Variants in CPM observed in about 807,000 individuals in gnomAD.
The protein encoded by CPM is carboxypeptidase M, also known as renal carboxypeptidase.
A neutral mutation model predicts 46.4 loss-of-function variants in CPM; 35 were observed. The ratio of observed to expected loss-of-function variants is 0.75; its 90% CI spans 0.58 to 1.00. The LOEUF (loss-of-function observed/expected upper bound fraction) is 1.00. Among genes scored for constraint, CPM ranks in the 50% least tolerant of loss-of-function variants. The pLI, the probability that CPM is intolerant of heterozygous loss-of-function variation, is 0.00. For missense variants in CPM, 422 were observed against 530.4 expected, an observed-to-expected ratio of 0.80 and a Z score of 2.01; for synonymous variants, 195 against 195.3, an observed-to-expected ratio of 1.00 and a Z score of 0.01.
intron 1 of CPM, among the ~76,000 whole-genome samples, chr12:68,953,241 TTTTC>T (rs1888963585): frequency 6.6e-6 from 1 of 151,950 alleles, no homozygotes; most frequent in Admixed American, 6.6e-5. Context: ...CAGGTATGTT[TTTTC>T]TCTCTCTTTT....
At chr12:68,866,095 C>T (rs1057072175) in intron 7 of CPM, among the ~76,000 whole-genome samples, 7 of 152,048 alleles carry the variant, frequency 4.6e-5, no homozygotes, top group East Asian at 3.8e-4. Context: ...TGGCAGAGTT[C>T]GGAGGTGAGA....
At chr12:68,960,510 T>C (rs1206273649) in intron 1 of CPM, among the ~76,000 whole-genome samples, 1 of 152,190 alleles carries the variant, frequency 6.6e-6, no homozygotes, top group Non-Finnish European at 1.5e-5. Flanking sequence ...GTGTATAAAA[T>C]AGCTACGCTG....
upstream of CPM, among the ~76,000 whole-genome samples, chr12:68,933,434 A>G (rs1395067130): frequency 6.6e-6 from 1 of 152,076 alleles, no homozygotes; most frequent in East Asian, 1.9e-4. Context: ...TCTTTGCTGG[A>G]GCCCCAGGTC....
intron 1 of CPM, among the ~76,000 whole-genome samples, chr12:68,954,860 A>T (rs1207748893): frequency 1.3e-5 from 2 of 152,220 alleles, no homozygotes; most frequent in Non-Finnish European, 2.9e-5. Context: ...ACAGTTGAAA[A>T]GTACAGATGA....
rs769151922 is a variant in CPM, at chr12:68,885,787, C to T, written c.258+5G>A. 6.8e-6 allele frequency: 11 copies of T among 1,611,300 alleles called. No individual in the cohort carries two copies. Among genetic ancestry groups the T allele is most frequent in the Non-Finnish European group, 7.6e-6 (9 of 1,177,604 alleles). On this transcript the variant is annotated splice_donor_5th_base_variant and intron_variant, in intron 3 of 8. Transcript: ENST00000551568. ...ACATTTCAGAAATTCAAGCCACATA[C>T]GTACCTCATCTCCATGCATATTTGC... is the stretch of plus-strand genomic sequence containing the variant.
At chr12:68,901,670 A>T (rs1030024189) in intron 2 of CPM, among the ~76,000 whole-genome samples, 2 of 152,244 alleles carry the variant, frequency 1.3e-5, no homozygotes, top group African/African-American at 4.8e-5. Context: ...TTAACATAAG[A>T]ATAAGCAGTC....
chr12:68,924,149 T>TA (rs77792212), intron 2 of CPM, among the ~76,000 whole-genome samples: 18,620 of 107,454 alleles, frequency 0.17, 1,513 homozygotes, highest in African/African-American at 0.25. Context: ...TGTCTCTACT[T>TA]AAAAAAAAAA....
chr12:68,887,103 C>T (rs1259247187), intron 2 of CPM, among the ~76,000 whole-genome samples: 1 of 152,184 alleles, frequency 6.6e-6, no homozygotes, highest in Admixed American at 6.5e-5. Context: ...GTGCTCCTCC[C>T]ACTAACAAAA....
chr12:68,873,007 T>G (rs1340318312), intron 3 of CPM, among the ~76,000 whole-genome samples: 1 of 152,242 alleles, frequency 6.6e-6, no homozygotes, highest in East Asian at 1.9e-4. Flanking sequence ...TTAAAAAAAG[T>G]AATTTAAATG....
At chr12:68,961,978 A>G (rs530115364) in intron 1 of CPM, among the ~76,000 whole-genome samples, 65 of 152,266 alleles carry the variant, frequency 4.3e-4, no homozygotes, top group Non-Finnish European at 7.4e-5. Context: ...AGGCGGGCGG[A>G]TCACGAGGTC....
intron 2 of CPM, among the ~76,000 whole-genome samples, chr12:68,928,265 T>C (rs1010155533): frequency 6.6e-6 from 1 of 152,158 alleles, no homozygotes; most frequent in Admixed American, 6.5e-5. Context: ...AAACAAGCAA[T>C]GGGGAAAGGA....
intron 2 of CPM, among the ~76,000 whole-genome samples, chr12:68,911,504 G>A (rs1280741897): frequency 6.6e-6 from 1 of 152,034 alleles, no homozygotes. Flanking sequence ...CTCATAGGGT[G>A]TTGTGTAGAT....
rs1287808243 is a variant in CPM, at chr12:68,855,553, A to G, written c.*884T>C. 6.6e-6 allele frequency: 1 copy of G among 152,004 alleles called. No homozygotes were observed. The highest frequency in any genetic ancestry group is 1.9e-4 in the East Asian group (1 of 5,178). 9.4% of individuals were successfully genotyped at this position (152,004 alleles called of 1,614,324 possible). On this transcript the variant is annotated 3_prime_UTR_variant, in exon 9 of 9. Transcript: ENST00000551568. The stretch of plus-strand genomic sequence containing the variant: ...TATAGAGACACAATCTTATCCCTTC[A>G]GGCCTGTATTTTCTTGGGCCACTAA...
intron 5 of CPM, chr12:68,842,344 G>C: frequency 2.0e-6 from 1 of 496,030 alleles, no homozygotes; most frequent in South Asian, 1.5e-5. Flanking sequence ...AAGAAAAGAT[G>C]ATATAACAGT....
intron 5 of CPM, chr12:68,842,951 A>G (rs1883917829): frequency 4.7e-6 from 1 of 210,718 alleles, no homozygotes; most frequent in African/African-American, 2.3e-5. Flanking sequence ...TTTGCCTGAA[A>G]TAACTGACAC....
chr12:68,962,377 A>G (rs898528785), intron 1 of CPM, among the ~76,000 whole-genome samples: 3 of 152,216 alleles, frequency 2.0e-5, no homozygotes, highest in African/African-American at 7.2e-5. Flanking sequence ...CTGAGAAGCA[A>G]AAGGTTTTCT....
At chr12:68,887,716 ACACACAAGCATATACT>A (rs752196842) in intron 2 of CPM, among the ~76,000 whole-genome samples, 24 of 152,226 alleles carry the variant, frequency 1.6e-4, no homozygotes, top group Non-Finnish European at 2.6e-4. Flanking sequence ...GATAATAGTA[ACACACAAGCATATACT>A]AGAGTGTGAC....
chr12:68,905,887 G>A (rs557138536), intron 2 of CPM, among the ~76,000 whole-genome samples: 2 of 152,224 alleles, frequency 1.3e-5, no homozygotes, highest in African/African-American at 4.8e-5. Flanking sequence ...AAGACAGCTG[G>A]TCATGTCTCA....
At chr12:68,842,572 C>A in intron 5 of CPM, 1 of 333,044 alleles carries the variant, frequency 3.0e-6, no homozygotes, top group South Asian at 3.0e-5. Flanking sequence ...TCATTGTTAA[C>A]TCTTTACTGA....
Sources: gnomAD v4.1 joint callset for allele counts (sites outside exome capture counted in the v4.1 genomes callset) on GRCh38, gnomAD v4.1.1 for gene constraint, MANE v1.5 for transcripts, NCBI Gene and HGNC (gene_info 2026-07-23, HGNC 2026-07-21) for gene names.